ASIC2: variants seen among roughly 807,000 people sequenced by gnomAD.
The protein encoded by ASIC2 is acid sensing ion channel subunit 2.
Under a neutral mutation model 57.3 loss-of-function variants are expected in ASIC2, and 25 were observed. The observed-to-expected ratio is 0.44, with a 90% CI of 0.32 to 0.61. The LOEUF is 0.61. Ranked by LOEUF, ASIC2 falls within the 20% of genes least tolerant of loss-of-function variation. ASIC2 has a pLI of 0.06. For synonymous variants in ASIC2, 319 were observed against 307.5 expected (o/e 1.04, Z -0.39); for missense variants, 641 against 738.1 (o/e 0.87, Z 1.52).
At chr17:33,737,130 C>T (rs1427380652) in intron 1 of ASIC2, among the ~76,000 whole-genome samples, 1 of 152,252 alleles carries the variant, frequency 6.6e-6, no homozygotes, top group Non-Finnish European at 1.5e-5. Flanking sequence ...TACAAAAATG[C>T]TGCAACTCCC....
At chr17:33,992,096 A>G (rs1906016434) in intron 1 of ASIC2, among the ~76,000 whole-genome samples, 1 of 152,078 alleles carries the variant, frequency 6.6e-6, no homozygotes, top group African/African-American at 2.4e-5. Flanking sequence ...TCAGTTTCTC[A>G]TTACCTACTG....
At chr17:33,801,886 T>A (rs760271062) in intron 1 of ASIC2, among the ~76,000 whole-genome samples, 3 of 152,174 alleles carry the variant, frequency 2.0e-5, no homozygotes, top group Non-Finnish European at 1.5e-5. Context: ...GCAACTTGTT[T>A]AACTTTCCAT....
intron 1 of ASIC2, among the ~76,000 whole-genome samples, chr17:34,138,276 G>A (rs75232169): frequency 4.6e-5 from 7 of 152,264 alleles, no homozygotes; most frequent in East Asian, 1.9e-4. Flanking sequence ...AAACACATGC[G>A]GTGCTTTAAA....
At chr17:33,842,720 G>A (rs1239035944) in intron 1 of ASIC2, among the ~76,000 whole-genome samples, 1 of 152,186 alleles carries the variant, frequency 6.6e-6, no homozygotes, top group Non-Finnish European at 1.5e-5. Context: ...GAGGGATATT[G>A]ACAAACTGGA....
chr17:33,228,604 G>T (rs981758075), intron 1 of ASIC2, among the ~76,000 whole-genome samples: 2 of 152,266 alleles, frequency 1.3e-5, no homozygotes, highest in Non-Finnish European at 2.9e-5. Context: ...AGTCAAGTCA[G>T]TCTGAAAACT....
At chr17:33,945,506 G>T (rs1904349326) in intron 1 of ASIC2, among the ~76,000 whole-genome samples, 1 of 152,112 alleles carries the variant, frequency 6.6e-6, no homozygotes, top group Admixed American at 6.6e-5. Flanking sequence ...GGGAGAATGG[G>T]CAGCAATGTT....
intron 1 of ASIC2, among the ~76,000 whole-genome samples, chr17:33,471,955 A>G (rs1913065064): frequency 1.3e-5 from 2 of 152,130 alleles, no homozygotes; most frequent in South Asian, 4.2e-4. Context: ...TAGAAAGATT[A>G]AGCAACTCAC....
chr17:33,733,778 C>T (rs1387304060), intron 1 of ASIC2, among the ~76,000 whole-genome samples: 2 of 152,186 alleles, frequency 1.3e-5, no homozygotes, highest in African/African-American at 2.4e-5. Flanking sequence ...TAGTTACCCT[C>T]GCTCCCGTTC....
intron 1 of ASIC2, among the ~76,000 whole-genome samples, chr17:33,689,921 A>G (rs73280960): frequency 1.3e-5 from 2 of 152,182 alleles, no homozygotes; most frequent in African/African-American, 4.8e-5. Flanking sequence ...TCTACCCTGG[A>G]GCCTCCAGAG....
chr17:33,870,566 A>C (rs1034938319), intron 1 of ASIC2, among the ~76,000 whole-genome samples: 5 of 151,974 alleles, frequency 3.3e-5, no homozygotes, highest in African/African-American at 1.2e-4. Flanking sequence ...TTTCTAGCTT[A>C]AGCAGGTGAG....
rs572349504 is a variant in ASIC2, at chr17:33,565,908, G to A, written c.556-453841C>T. 3.3e-5 allele frequency: 5 copies of A among 152,450 alleles called. No individual in the cohort carries two copies. In the East Asian group the frequency reaches 9.6e-4, roughly 29 times the overall value. 9.4% of individuals were successfully genotyped at this position (152,450 alleles called of 1,614,324 possible). The stretch of plus-strand genomic sequence containing the variant: ...GGGTGGAGCGCAGACTGGAGCCTAA[G>A]CCCTGACAGCATGGTGAGTGTTGAC... On this transcript the variant is annotated intron_variant, in intron 1 of 9. Coordinates refer to the ASIC2 transcript ENST00000359872.
At chr17:33,362,545 A>T (rs1908651366) in intron 1 of ASIC2, among the ~76,000 whole-genome samples, 1 of 152,236 alleles carries the variant, frequency 6.6e-6, no homozygotes, top group South Asian at 2.1e-4. Flanking sequence ...CAAAGCAGAG[A>T]TCTTGCAGGT....
At chr17:33,296,464 A>G (rs189531065), upstream of ASIC2, among the ~76,000 whole-genome samples, 101 of 152,352 alleles carry the variant, frequency 6.6e-4, no homozygotes, top group Non-Finnish European at 6.3e-4. Context: ...TTCATGAGGC[A>G]GAACAGGGGT....
At chr17:33,636,999 C>G (rs561586045) in intron 1 of ASIC2, among the ~76,000 whole-genome samples, 7 of 152,228 alleles carry the variant, frequency 4.6e-5, no homozygotes, top group African/African-American at 1.7e-4. Context: ...ACATGCAACA[C>G]TTCTTTCTCC....
intron 1 of ASIC2, among the ~76,000 whole-genome samples, chr17:33,473,448 CT>C (rs898488931): frequency 2.6e-5 from 4 of 152,244 alleles, no homozygotes; most frequent in Non-Finnish European, 4.4e-5. Context: ...AAGGCACCCC[CT>C]GAGCCAAGAA....
intron 1 of ASIC2, among the ~76,000 whole-genome samples, chr17:34,099,889 G>A (rs184608669): frequency 6.6e-6 from 1 of 152,344 alleles, no homozygotes; most frequent in Admixed American, 6.5e-5. Context: ...CATGGTATGT[G>A]TGACTGGCAG....
At chr17:33,373,035 G>A (rs1909140579) in intron 1 of ASIC2, among the ~76,000 whole-genome samples, 1 of 152,174 alleles carries the variant, frequency 6.6e-6, no homozygotes, top group South Asian at 2.1e-4. Flanking sequence ...GCAAGGGTGG[G>A]GACTTAGGAT....
intron 1 of ASIC2, among the ~76,000 whole-genome samples, chr17:33,446,711 A>G (rs958329304): frequency 1.3e-5 from 2 of 152,166 alleles, no homozygotes; most frequent in African/African-American, 2.4e-5. Context: ...TTTTCATCCC[A>G]GTACCTTGCA....
Position 33,386,903 on chromosome 17 carries a change from G to A in ASIC2, c.556-274836C>T, listed in dbSNP as rs369587742. Among the ~76,000 whole-genome samples the A allele has an allele frequency of 5.3e-5, 8 of 152,124 alleles. No individual in the cohort carries two copies. In the East Asian group the frequency reaches 1.5e-3, roughly 29 times the overall value. ...ATGAAGACCTCTGAGTGGCTCGTGT[G>A]TGACTGGCACTATGCTAAGCGTTTA... On this transcript the variant is annotated intron_variant, in intron 1 of 9. Coordinates refer to the ASIC2 transcript ENST00000359872.
Sources: allele counts gnomAD v4.1 joint callset (sites outside exome capture counted in the v4.1 genomes callset), GRCh38; gene constraint gnomAD v4.1.1; transcripts MANE v1.5; gene names NCBI Gene and HGNC (gene_info 2026-07-23, HGNC 2026-07-21).